The following LRRC28 variants were observed in gnomAD, a reference collection of about 807,000 sequenced individuals.
The protein encoded by LRRC28 is leucine-rich repeat-containing protein 28.
LRRC28 carries 39 observed loss-of-function variants against 45.7 expected under a neutral mutation model. That is an observed-to-expected ratio of 0.85 (90% confidence interval 0.66 to 1.12). The LOEUF (loss-of-function observed/expected upper bound fraction) is 1.12, where lower values mean the gene tolerates loss of function less well. Ranked by LOEUF, LRRC28 falls within the 50% of genes most tolerant of loss-of-function variation. The pLI, the probability that LRRC28 is intolerant of heterozygous loss-of-function variation, is 0.00. For missense variants in LRRC28, 435 were observed against 438.5 expected, an observed-to-expected ratio of 0.99 and a Z score of 0.07; for synonymous variants, 206 against 178.8, an observed-to-expected ratio of 1.15 and a Z score of -1.22.
chr15:99,346,487 A>G (rs1013692385), intron 6 of LRRC28, among the ~76,000 whole-genome samples: 1 of 152,244 alleles, frequency 6.6e-6, no homozygotes, highest in Non-Finnish European at 1.5e-5. Flanking sequence ...ATCCGTGGTA[A>G]ACAAAATAGC....
chr15:99,349,306 G>T (rs1018839629), intron 6 of LRRC28, among the ~76,000 whole-genome samples: 9 of 151,908 alleles, frequency 5.9e-5, no homozygotes, highest in South Asian at 2.1e-4. Flanking sequence ...TTTTTTTGGT[G>T]TACTGGAGTA....
At chr15:99,372,626 A>G (rs1162894010) in intron 9 of LRRC28, among the ~76,000 whole-genome samples, 3 of 152,186 alleles carry the variant, frequency 2.0e-5, no homozygotes, top group Non-Finnish European at 4.4e-5. Context: ...TTGTTGCACA[A>G]ATATGAAACC....
intron 5 of LRRC28, among the ~76,000 whole-genome samples, chr15:99,296,158 A>G (rs190721344): frequency 1.3e-5 from 2 of 152,248 alleles, no homozygotes; most frequent in African/African-American, 4.8e-5. Flanking sequence ...GGCTGCAGTG[A>G]TTTTTCAGAG....
chr15:99,335,400 G>T (rs1294093249), intron 6 of LRRC28, among the ~76,000 whole-genome samples: 3 of 152,284 alleles, frequency 2.0e-5, no homozygotes, highest in Admixed American at 2.0e-4. Context: ...AGTTGAATAT[G>T]ATAGTTTATG....
At chr15:99,375,943 ATTC>A (rs1957617654) in intron 9 of LRRC28, among the ~76,000 whole-genome samples, 1 of 151,774 alleles carries the variant, frequency 6.6e-6, no homozygotes, top group Non-Finnish European at 1.5e-5. Flanking sequence ...ATTATTTACT[ATTC>A]TTCTGCTTGC....
At chr15:99,277,315 A>G (rs2081644586) in intron 3 of LRRC28, among the ~76,000 whole-genome samples, 1 of 152,084 alleles carries the variant, frequency 6.6e-6, no homozygotes, top group Admixed American at 6.5e-5. Flanking sequence ...CCATCCTTTC[A>G]TTTTGAAAAA....
At chr15:99,294,114 TTTATC>T (rs1212763674) in intron 5 of LRRC28, among the ~76,000 whole-genome samples, 1 of 152,202 alleles carries the variant, frequency 6.6e-6, no homozygotes, top group Admixed American at 6.5e-5. Flanking sequence ...TCTTTAATCT[TTTATC>T]TTTATCTTTG....
intron 6 of LRRC28, among the ~76,000 whole-genome samples, chr15:99,351,542 A>C (rs1047956437): frequency 5.9e-5 from 9 of 151,644 alleles, no homozygotes; most frequent in African/African-American, 2.2e-4. Flanking sequence ...CCACTGTCAC[A>C]CCTCACGGGA....
chr15:99,373,022 C>A (rs1319401691), intron 9 of LRRC28, among the ~76,000 whole-genome samples: 1 of 107,924 alleles, frequency 9.3e-6, no homozygotes. Flanking sequence ...GGGGTAACCA[C>A]CCCCCCATGA....
chr15:99,372,571 G>A (rs572429449), intron 9 of LRRC28, among the ~76,000 whole-genome samples: 19 of 152,186 alleles, frequency 1.2e-4, no homozygotes, highest in Non-Finnish European at 2.6e-4. Context: ...TATGTTATTA[G>A]ATGAGTCTCC....
chr15:99,366,711 C>T (rs939559889), intron 9 of LRRC28, among the ~76,000 whole-genome samples: 71 of 152,216 alleles, frequency 4.7e-4, no homozygotes, highest in African/African-American at 1.6e-3. Flanking sequence ...AAGACCTCCT[C>T]TCCAAATGCC....
chr15:99,360,594 T>C (rs1255718418), intron 7 of LRRC28, among the ~76,000 whole-genome samples: 2 of 152,190 alleles, frequency 1.3e-5, no homozygotes, highest in African/African-American at 4.8e-5. Flanking sequence ...TGGTCAAGGT[T>C]AGTGATATTA....
At chr15:99,381,568 C>G (rs985236002) in intron 9 of LRRC28, among the ~76,000 whole-genome samples, 12 of 152,256 alleles carry the variant, frequency 7.9e-5, no homozygotes, top group African/African-American at 2.2e-4. Flanking sequence ...TGTTCCGTTG[C>G]TGGCGAGGAG....
At chr15:99,374,013 G>A (rs1286906296) in intron 9 of LRRC28, among the ~76,000 whole-genome samples, 1 of 152,098 alleles carries the variant, frequency 6.6e-6, no homozygotes, top group Non-Finnish European at 1.5e-5. Context: ...ATTATGGTAG[G>A]CCTTAATATC....
chr15:99,263,197 A>G (rs1184605301), intron 2 of LRRC28, among the ~76,000 whole-genome samples: 1 of 150,556 alleles, frequency 6.6e-6, no homozygotes, highest in Non-Finnish European at 1.5e-5. Context: ...GTGTGCCTGT[A>G]GTCCCAGCTA....
At position 99,288,050 on chromosome 15, in the gene LRRC28, A is replaced by G. The variant is rs2082006155; in HGVS notation, c.385+99A>G. 1.8e-5 allele frequency: 22 copies of G among 1,193,074 alleles called. No individual in the cohort carries two copies. In the South Asian group the frequency reaches 4.1e-4, roughly 22 times the overall value. The allele number at this position is 1,193,074 out of a possible 1,614,324, so 73.9% of individuals were successfully genotyped here. A position where few individuals can be genotyped will look rare whatever the true frequency, so the allele number is the denominator to read the frequency against. ...TAGGCAATGAGCTGTAGATGTATTT[A>G]TAAGTATTTGTCCATTTGTTTGAAG... On this transcript the variant is annotated intron_variant, in intron 5 of 9. Transcript: ENST00000301981.
intron 6 of LRRC28, among the ~76,000 whole-genome samples, chr15:99,343,107 G>T (rs1956569806): frequency 1.3e-5 from 2 of 152,158 alleles, no homozygotes; most frequent in Admixed American, 1.3e-4. Flanking sequence ...TTGTAATTAT[G>T]ACTAATAATA....
rs1166318416 is a variant in LRRC28, at chr15:99,386,775, C to T, written c.*673C>T. On this transcript the variant is annotated 3_prime_UTR_variant, in exon 10 of 10. Transcript: ENST00000301981. ...CAAAAATGTAGATTGTAATGAAATA[C>T]ACTTCCTGTTTTTTAAAAGTGTTTG... is the stretch of plus-strand genomic sequence containing the variant. The T allele has an allele frequency of 6.6e-6, 1 of 152,206 alleles. No individual in the cohort carries two copies. The highest frequency in any genetic ancestry group is 1.5e-5 in the Non-Finnish European group (1 of 68,042). The allele number at this position is 152,206 out of a possible 1,614,324, so 9.4% of individuals were successfully genotyped here.
intron 2 of LRRC28, among the ~76,000 whole-genome samples, chr15:99,273,467 G>C (rs556350925): frequency 6.6e-6 from 1 of 152,242 alleles, no homozygotes; most frequent in South Asian, 2.1e-4. Context: ...TTGATCTGCT[G>C]ACCTCGTGAT....
Sources: allele counts gnomAD v4.1 joint callset (sites outside exome capture counted in the v4.1 genomes callset), GRCh38; gene constraint gnomAD v4.1.1; transcripts MANE v1.5; gene names NCBI Gene and HGNC (gene_info 2026-07-23, HGNC 2026-07-21).